B4GALNT2: variants seen among roughly 807,000 people sequenced by gnomAD.
B4GALNT2 encodes the protein N-acetylneuraminylgalactosylglucosyl-glucoside beta-1,4-N- acetylgalactosaminyltransferase 2.
In B4GALNT2, 42 loss-of-function variants were observed where a neutral mutation model predicts 51.1. That is an observed-to-expected ratio of 0.82 (90% CI 0.64 to 1.06). The LOEUF (loss-of-function observed/expected upper bound fraction) is 1.06. B4GALNT2 is among the 50% of genes least tolerant of loss of function. B4GALNT2 has a pLI of 0.00. For synonymous variants in B4GALNT2, 253 were observed against 251.7 expected (o/e 1.01, Z -0.05); for missense variants, 602 against 633.6 (o/e 0.95, Z 0.54).
chr17:49,120,761 C>T, the B4GALNT2 span, among the ~76,000 whole-genome samples: 2 of 152,118 alleles, frequency 1.3e-5, no homozygotes, highest in East Asian at 1.9e-4. Flanking sequence ...CCATCCACCT[C>T]GGCTTCCCAA....
At chr17:49,137,699 C>G (rs753210891) in intron 1 of B4GALNT2, among the ~76,000 whole-genome samples, 2 of 151,908 alleles carry the variant, frequency 1.3e-5, no homozygotes, top group Non-Finnish European at 2.9e-5. Context: ...CACATTTTAC[C>G]AAAAATATTT....
chr17:49,155,521 G>A (rs1328431533), intron 4 of B4GALNT2, among the ~76,000 whole-genome samples: 1 of 150,516 alleles, frequency 6.6e-6, no homozygotes, highest in African/African-American at 2.4e-5. Context: ...AGAATCACTT[G>A]AACTTGGGAG....
intron 3 of B4GALNT2, among the ~76,000 whole-genome samples, 161 bp from the exon 4 acceptor site, chr17:49,152,639 G>A (rs1163329706): frequency 6.6e-6 from 1 of 152,246 alleles, no homozygotes; most frequent in Non-Finnish European, 1.5e-5. Context: ...TCGCACTATT[G>A]CACTCCAGCC....
intron 1 of B4GALNT2, among the ~76,000 whole-genome samples, chr17:49,134,484 A>C (rs2042572193): frequency 6.6e-6 from 1 of 152,362 alleles, no homozygotes; most frequent in East Asian, 1.9e-4. Context: ...GGCTCACTGC[A>C]ATCTTTCCCT....
intron 1 of B4GALNT2, among the ~76,000 whole-genome samples, chr17:49,135,867 T>C (rs1243122820): frequency 6.6e-6 from 1 of 151,196 alleles, no homozygotes; most frequent in African/African-American, 2.4e-5. Flanking sequence ...ATCTAGACCA[T>C]CCTGGCTAAC....
chr17:49,144,023 C>G (rs1244164630), intron 3 of B4GALNT2, among the ~76,000 whole-genome samples: 1 of 152,110 alleles, frequency 6.6e-6, no homozygotes, highest in Non-Finnish European at 1.5e-5. Flanking sequence ...GTGGTGAGTG[C>G]CTGTAGTCCC....
At chr17:49,126,627 C>T in the B4GALNT2 span, among the ~76,000 whole-genome samples, 1 of 105,660 alleles carries the variant, frequency 9.5e-6, no homozygotes, top group South Asian at 3.0e-4. Context: ...TTAAATCGTA[C>T]ATTTCTTTTT....
At chr17:49,159,856 G>T (rs1020864576) in intron 6 of B4GALNT2, among the ~76,000 whole-genome samples, 2 of 152,066 alleles carry the variant, frequency 1.3e-5, no homozygotes, top group African/African-American at 4.8e-5. Context: ...GATTTCCACT[G>T]CAGTAGAGGA....
At chr17:49,165,706 C>T (rs916506837) in intron 8 of B4GALNT2, among the ~76,000 whole-genome samples, 10 of 151,290 alleles carry the variant, frequency 6.6e-5, no homozygotes, top group African/African-American at 2.4e-4. Flanking sequence ...CTCTCTCTCC[C>T]CCTTCCTTCC....
upstream of B4GALNT2, among the ~76,000 whole-genome samples, chr17:49,131,630 C>T (rs1473547229): frequency 6.6e-6 from 1 of 152,030 alleles, no homozygotes; most frequent in Non-Finnish European, 1.5e-5. Context: ...CGTGCCTTAG[C>T]CTCCCAAGTA....
At chr17:49,156,868 C>T (rs887979974) in intron 5 of B4GALNT2, among the ~76,000 whole-genome samples, 6 of 152,244 alleles carry the variant, frequency 3.9e-5, no homozygotes, top group Non-Finnish European at 7.3e-5. Context: ...GCGGCCACTA[C>T]AGCCATGGGC....
intron 2 of B4GALNT2, 70 bp downstream of exon 2, chr17:49,141,517 C>T: frequency 1.4e-6 from 2 of 1,472,308 alleles, no homozygotes; most frequent in South Asian, 1.2e-5. Flanking sequence ...AAGTACCATG[C>T]CCTACTGTGC....
rs1340101614 is a variant in B4GALNT2, at chr17:49,173,836, G to A, written c.*4108G>A. 5 of 148,766 alleles carry A rather than the reference G, an allele frequency of 3.4e-5. No homozygotes were observed. In the South Asian group the frequency reaches 6.6e-4, roughly 20 times the overall value. 9.2% of individuals were successfully genotyped at this position (148,766 alleles called of 1,614,324 possible). The stretch of plus-strand genomic sequence containing the variant: ...AGTTGAAAAAATTAGCAAATCTAGA[G>A]TCTTTTCTGGATCTATTATATTTAT... On this transcript the variant is annotated 3_prime_UTR_variant, in exon 11 of 11. Coordinates refer to ENST00000393354, the MANE Select transcript of B4GALNT2 (RefSeq NM_001159387.2).
At chr17:49,127,603 G>A (rs1424692441), upstream of B4GALNT2, among the ~76,000 whole-genome samples, 1 of 152,054 alleles carries the variant, frequency 6.6e-6, no homozygotes, top group Non-Finnish European at 1.5e-5. Flanking sequence ...TAGCCACACA[G>A]ACAACCAGAA....
chr17:49,166,384 G>T (rs1598217338), intron 9 of B4GALNT2, 130 bp downstream of exon 9: 1 of 932,014 alleles, frequency 1.1e-6, no homozygotes, highest in East Asian at 2.7e-5. Context: ...GAGAGGGGCT[G>T]GTGCAGGAGG....
Position 49,152,794 on chromosome 17 carries a change from C to T in B4GALNT2, c.354-6C>T. 1 of 1,581,094 alleles carries T rather than the reference C, an allele frequency of 6.3e-7. No homozygotes were observed. The highest frequency in any genetic ancestry group is 2.3e-5 in the East Asian group (1 of 43,740). On this transcript the variant is annotated splice_polypyrimidine_tract_variant and splice_region_variant and intron_variant, in intron 3 of 10. Transcript: ENST00000393354. ...GCTGCTGACGTTTCTGTTCTCCTTC[C>T]TGCAGAGAAGGGCTGCCCCGCCCAC...
chr17:49,137,752 C>T (rs2042603684), intron 1 of B4GALNT2, among the ~76,000 whole-genome samples: 1 of 151,974 alleles, frequency 6.6e-6, no homozygotes, highest in African/African-American at 2.4e-5. Flanking sequence ...ACAGGGAGGC[C>T]CCTGTTAAGT....
chr17:49,165,649 CCTCT>C (rs1169324207), intron 8 of B4GALNT2, among the ~76,000 whole-genome samples: 1 of 146,322 alleles, frequency 6.8e-6, no homozygotes, highest in Non-Finnish European at 1.5e-5. Context: ...TTTCCCCCCA[CCTCT>C]CTCTCTCCTT....
Position 49,172,815 on chromosome 17 carries a change from C to T in B4GALNT2, c.*3087C>T, listed in dbSNP as rs1406543955. On this transcript the variant is annotated 3_prime_UTR_variant, in exon 11 of 11. Transcript: ENST00000393354. ...TCTCCTGATTGGCATGTAGCCCAGA[C>T]AAAGTGAGAAAAGGTGTCCACACAT... 6.6e-6 allele frequency: 1 copy of T among 152,072 alleles called. No individual in the cohort carries two copies. The highest frequency in any genetic ancestry group is 1.5e-5 in the Non-Finnish European group (1 of 68,028). The allele number at this position is 152,072 out of a possible 1,614,324, so 9.4% of individuals were successfully genotyped here.
Sources: allele counts gnomAD v4.1 joint callset (sites outside exome capture counted in the v4.1 genomes callset), GRCh38; gene constraint gnomAD v4.1.1; transcripts MANE v1.5; gene names NCBI Gene and HGNC (gene_info 2026-07-23, HGNC 2026-07-21).